TENM3: variants seen among roughly 807,000 people sequenced by gnomAD.
TENM3 encodes teneurin transmembrane protein 3, also known as teneurin-3.
Under a neutral mutation model 255.1 loss-of-function variants are expected in TENM3, and 63 were observed. The observed-to-expected ratio is 0.25, with a 90% CI of 0.20 to 0.30. The LOEUF (loss-of-function observed/expected upper bound fraction) is 0.30, where lower values mean the gene tolerates loss of function less well. Ranked by LOEUF, TENM3 falls within the 10% of genes least tolerant of loss-of-function variation. The pLI is 1.00. For missense variants in TENM3, 2,929 were observed against 3,461.1 expected (o/e 0.85, Z 3.86); for synonymous variants, 1,306 against 1,322.3 (o/e 0.99, Z 0.27).
intron 3 of TENM3, among the ~76,000 whole-genome samples, chr4:182,420,708 A>G (rs900589560): frequency 2.0e-5 from 3 of 152,230 alleles, no homozygotes; most frequent in African/African-American, 2.4e-5. Context: ...TAGCATTGAC[A>G]TGAGGATTGA....
chr4:181,598,063 G>A, the TENM3 span, among the ~76,000 whole-genome samples: 1 of 152,122 alleles, frequency 6.6e-6, no homozygotes, highest in Non-Finnish European at 1.5e-5. Context: ...GTATTAGTAG[G>A]ACGTGGTCTA....
chr4:182,162,932 C>A (rs949897987), intron 1 of TENM3, among the ~76,000 whole-genome samples: 1 of 152,128 alleles, frequency 6.6e-6, no homozygotes, highest in Non-Finnish European at 1.5e-5. Flanking sequence ...CGGAGGGACA[C>A]AAATAATCAA....
At chr4:182,106,769 A>T in the TENM3 span, among the ~76,000 whole-genome samples, 1 of 152,164 alleles carries the variant, frequency 6.6e-6, no homozygotes, top group Non-Finnish European at 1.5e-5. Context: ...ACTATTAAAT[A>T]GTGTTAGTAT....
chr4:182,140,500 AACCCAGCAGAC>A (rs11270325), upstream of TENM3, among the ~76,000 whole-genome samples: 37,279 of 151,952 alleles, frequency 0.25, 5,352 homozygotes, highest in East Asian at 0.55. Flanking sequence ...ACTGGGTTTG[AACCCAGCAGAC>A]AGGCCGCTCA....
Position 182,710,000 on chromosome 4 carries a change from G to C in TENM3, c.2222-4087G>C, listed in dbSNP as rs1489032186. 2.0e-5 allele frequency among the ~76,000 whole-genome samples: 3 copies of C among 152,086 alleles called. No individual in the cohort carries two copies. The South Asian group carries it at 6.2e-4, about 32-fold the overall frequency. ...ACCTTTACCTGTAAATCAATCTACAGCTTTGCATAATTGATTCTGTTGGCA... is the reference window on the plus strand; with the variant it reads ...ACCTTTACCTGTAAATCAATCTACACCTTTGCATAATTGATTCTGTTGGCA... On this transcript the variant is annotated intron_variant, in intron 12 of 27. Transcript: ENST00000511685.
intron 1 of TENM3, among the ~76,000 whole-genome samples, chr4:182,160,544 G>T (rs1751069091): frequency 6.6e-6 from 1 of 152,136 alleles, no homozygotes; most frequent in African/African-American, 2.4e-5. Flanking sequence ...GAATTACTTA[G>T]CATTTGAATC....
chr4:182,439,729 C>G (rs965814564), intron 3 of TENM3, among the ~76,000 whole-genome samples: 2 of 152,206 alleles, frequency 1.3e-5, no homozygotes, highest in South Asian at 4.1e-4. Context: ...TCGAAAATTG[C>G]TTCTTCCTGC....
intron 3 of TENM3, among the ~76,000 whole-genome samples, chr4:182,484,503 A>G (rs1734512785): frequency 6.6e-6 from 1 of 152,124 alleles, no homozygotes; most frequent in African/African-American, 2.4e-5. Context: ...ATACATGGGG[A>G]AAACGAGAAA....
the TENM3 span, among the ~76,000 whole-genome samples, chr4:181,625,987 C>T: frequency 1.3e-5 from 2 of 152,028 alleles, no homozygotes; most frequent in African/African-American, 2.4e-5. Context: ...CAGGCAATGG[C>T]AATGTGAATA....
Position 182,634,216 on chromosome 4 carries a change from G to T in TENM3, c.988+5327G>T, listed in dbSNP as rs73008967. ...GCACTTGAAATGTAGCTAGTAAGTT[G>T]TAGAAACCAAAGTTTAAATTGTGCT... On this transcript the variant is annotated intron_variant, in intron 5 of 27. Coordinates refer to ENST00000511685, the MANE Select transcript of TENM3 (RefSeq NM_001080477.4). Among the ~76,000 whole-genome samples, 1,468 of 152,218 alleles carry T rather than the reference G, an allele frequency of 9.6e-3. 21 individuals carry two copies. The highest frequency in any genetic ancestry group is 0.026 in the African/African-American group (1,084 of 41,532).
At chr4:181,795,285 C>T in the TENM3 span, among the ~76,000 whole-genome samples, 12 of 152,016 alleles carry the variant, frequency 7.9e-5, no homozygotes, top group African/African-American at 2.9e-4. Context: ...ACATGGTTCT[C>T]TGTGAGGATC....
chr4:182,696,512 GTCAGGAGA>G (rs1212239529), intron 12 of TENM3, among the ~76,000 whole-genome samples: 11 of 152,110 alleles, frequency 7.2e-5, no homozygotes, highest in African/African-American at 2.2e-4. Flanking sequence ...AGATCACGAG[GTCAGGAGA>G]TCGGGACCAT....
At chr4:182,463,559 C>A (rs1281302440) in intron 3 of TENM3, among the ~76,000 whole-genome samples, 2 of 151,942 alleles carry the variant, frequency 1.3e-5, no homozygotes, top group Non-Finnish European at 2.9e-5. Context: ...CAAACTCCAC[C>A]TCCCGAGTTC....
intron 3 of TENM3, among the ~76,000 whole-genome samples, chr4:182,485,794 C>T (rs1437706525): frequency 6.6e-6 from 1 of 152,104 alleles, no homozygotes; most frequent in Non-Finnish European, 1.5e-5. Flanking sequence ...AAGACAGCAT[C>T]CCTGTTCTCA....
chr4:182,390,834 T>C (rs1768376255), intron 3 of TENM3, among the ~76,000 whole-genome samples: 1 of 152,192 alleles, frequency 6.6e-6, no homozygotes, highest in Non-Finnish European at 1.5e-5. Context: ...TTTATGATAC[T>C]TACATGTCCC....
chr4:181,850,781 T>C, the TENM3 span, among the ~76,000 whole-genome samples: 564 of 152,312 alleles, frequency 3.7e-3, 5 homozygotes, highest in African/African-American at 0.011. Flanking sequence ...TCCATTACTC[T>C]AATGAAGCAT....
the TENM3 span, among the ~76,000 whole-genome samples, chr4:181,476,014 C>T: frequency 6.6e-6 from 1 of 152,146 alleles, no homozygotes; most frequent in Middle Eastern, 3.2e-3. Context: ...CTGACTGTTC[C>T]CTGGGGAGGG....
chr4:182,002,973 G>T, the TENM3 span, among the ~76,000 whole-genome samples: 17 of 152,046 alleles, frequency 1.1e-4, no homozygotes, highest in South Asian at 1.0e-3. Flanking sequence ...CAACTAACTT[G>T]TATATAACTG....
At position 182,158,152 on chromosome 4, in the gene TENM3, C is replaced by T. The variant is rs534659975; in HGVS notation, c.-76+13398C>T. On this transcript the variant is annotated intron_variant, in intron 1 of 2. Coordinates refer to the TENM3 transcript ENST00000512480. ...CTTTCTCCAAAAGGAGGTGCCACGT[C>T]GCGCCTCTAGACTAGTCATTGCCAT... Among the ~76,000 whole-genome samples the T allele has an allele frequency of 3.6e-4, 55 of 152,250 alleles. 1 individual carries two copies. Among genetic ancestry groups the T allele is most frequent in the Middle Eastern group, 3.4e-3 (1 of 294 alleles).
Sources: gnomAD v4.1 joint callset for allele counts (sites outside exome capture counted in the v4.1 genomes callset) on GRCh38, gnomAD v4.1.1 for gene constraint, MANE v1.5 for transcripts, NCBI Gene and HGNC (gene_info 2026-07-23, HGNC 2026-07-21) for gene names.